Variants in CAST observed in about 807,000 individuals in gnomAD.
CAST encodes MIR583 host.
CAST carries 76 observed loss-of-function variants against 119.6 expected under a neutral mutation model. The ratio of observed to expected loss-of-function variants is 0.64; its 90% CI spans 0.53 to 0.77. The LOEUF (loss-of-function observed/expected upper bound fraction) is 0.77, where lower values mean the gene tolerates loss of function less well. Among genes scored for constraint, CAST ranks in the 30% least tolerant of loss-of-function variants. The pLI is 0.00. For missense variants in CAST, 953 were observed against 946.5 expected, an observed-to-expected ratio of 1.01 and a Z score of -0.09; for synonymous variants, 319 against 331.6, an observed-to-expected ratio of 0.96 and a Z score of 0.41.
At chr5:96,190,995 C>T in the CAST span, among the ~76,000 whole-genome samples, 1 of 152,272 alleles carries the variant, frequency 6.6e-6, no homozygotes, top group African/African-American at 2.4e-5. Context: ...GTTTTCTGTT[C>T]CTGTATTAAT....
At chr5:96,428,589 A>G in the CAST span, among the ~76,000 whole-genome samples, 1 of 152,216 alleles carries the variant, frequency 6.6e-6, no homozygotes, top group East Asian at 1.9e-4. Flanking sequence ...CATTGAACCA[A>G]GATACAAACT....
At chr5:96,517,645 G>A in the CAST span, among the ~76,000 whole-genome samples, 4 of 152,166 alleles carry the variant, frequency 2.6e-5, no homozygotes, top group Non-Finnish European at 4.4e-5. Flanking sequence ...TGTGAAATGT[G>A]TCTGTGCTCA....
At chr5:96,395,966 A>G in the CAST span, among the ~76,000 whole-genome samples, 1 of 152,240 alleles carries the variant, frequency 6.6e-6, no homozygotes, top group Non-Finnish European at 1.5e-5. Flanking sequence ...TTAGAAGTGT[A>G]AGGTCAGATT....
the CAST span, among the ~76,000 whole-genome samples, chr5:96,502,729 A>G: frequency 6.6e-6 from 1 of 151,454 alleles, no homozygotes; most frequent in Non-Finnish European, 1.5e-5. Flanking sequence ...TATGTTTTTT[A>G]CTAAATATTA....
chr5:96,234,304 G>A, the CAST span, among the ~76,000 whole-genome samples: 3 of 152,188 alleles, frequency 2.0e-5, no homozygotes, highest in African/African-American at 7.2e-5. Flanking sequence ...AGTGTTCATG[G>A]AAGGCCGTAG....
chr5:96,645,986 T>C (rs1748009595), intron 1 of CAST, among the ~76,000 whole-genome samples: 1 of 151,984 alleles, frequency 6.6e-6, no homozygotes, highest in South Asian at 2.1e-4. Flanking sequence ...AAATATAGAA[T>C]TCACAGAAAA....
chr5:96,354,565 G>T, the CAST span, among the ~76,000 whole-genome samples: 1 of 151,668 alleles, frequency 6.6e-6, no homozygotes, highest in African/African-American at 2.4e-5. Context: ...AAAAAAAAAT[G>T]TATGTCTCAG....
intron 2 of CAST, 34 bp from the exon 3 acceptor site, chr5:96,695,802 T>C (rs773359806): frequency 4.3e-5 from 62 of 1,446,792 alleles, no homozygotes; most frequent in Non-Finnish European, 5.7e-5. Context: ...TAAGGTGTTT[T>C]CCCCCATTGA....
At chr5:96,660,299 C>T (rs1439573906), upstream of CAST, among the ~76,000 whole-genome samples, 1 of 152,164 alleles carries the variant, frequency 6.6e-6, no homozygotes, top group Non-Finnish European at 1.5e-5. Context: ...ACCCCAAACT[C>T]CCAAAACACC....
chr5:96,512,996 C>T, the CAST span, among the ~76,000 whole-genome samples: 3 of 152,298 alleles, frequency 2.0e-5, no homozygotes, highest in South Asian at 6.2e-4. Context: ...ACTATGACTA[C>T]ATGAGCAGGG....
the CAST span, among the ~76,000 whole-genome samples, chr5:96,060,537 C>G: frequency 6.6e-6 from 1 of 152,056 alleles, no homozygotes; most frequent in African/African-American, 2.4e-5. Flanking sequence ...AACATCCACT[C>G]GGCCTCTTCG....
At chr5:96,019,462 G>A in the CAST span, among the ~76,000 whole-genome samples, 1 of 152,178 alleles carries the variant, frequency 6.6e-6, no homozygotes, top group Non-Finnish European at 1.5e-5. Context: ...CAAGGCAAAG[G>A]TGAGACTGTG....
the CAST span, among the ~76,000 whole-genome samples, chr5:96,163,363 T>C: frequency 1.3e-5 from 2 of 152,200 alleles, no homozygotes; most frequent in Non-Finnish European, 2.9e-5. Context: ...TTTGATTTTG[T>C]CGATCTTCTC....
chr5:96,447,908 AACAAGAAGTAAAAACCTGCCCTGCT>A, the CAST span, among the ~76,000 whole-genome samples: 11 of 152,236 alleles, frequency 7.2e-5, no homozygotes, highest in African/African-American at 2.2e-4. Context: ...GAAAACATAA[AACAAGAAGTAAAAACCTGCCCTGCT>A]AGAACAGCTC....
the CAST span, among the ~76,000 whole-genome samples, chr5:96,464,357 C>G: frequency 6.6e-6 from 1 of 151,970 alleles, no homozygotes; most frequent in Non-Finnish European, 1.5e-5. Flanking sequence ...CTGTCTGTGA[C>G]ATATTGAAAT....
the CAST span, among the ~76,000 whole-genome samples, chr5:96,026,377 T>C: frequency 6.6e-6 from 1 of 152,180 alleles, no homozygotes; most frequent in South Asian, 2.1e-4. Flanking sequence ...GATACTTGGA[T>C]CTGGAAAACA....
chr5:96,056,052 G>A, the CAST span, among the ~76,000 whole-genome samples: 1 of 151,886 alleles, frequency 6.6e-6, no homozygotes, highest in Non-Finnish European at 1.5e-5. Context: ...TGAAAACATC[G>A]TTTTAAAGGG....
intron 2 of CAST, among the ~76,000 whole-genome samples, chr5:96,689,506 G>A (rs1752476589): frequency 6.6e-6 from 1 of 152,210 alleles, no homozygotes; most frequent in Admixed American, 6.5e-5. Context: ...TGTAAAGGTA[G>A]TAGAGCACCA....
At chr5:96,613,002 A>G (rs923422511) in intron 1 of CAST, among the ~76,000 whole-genome samples, 2 of 152,156 alleles carry the variant, frequency 1.3e-5, no homozygotes, top group Non-Finnish European at 2.9e-5. Context: ...CATGTATCCA[A>G]TTTCCAAATA....
Sources: allele counts gnomAD v4.1 joint callset (sites outside exome capture counted in the v4.1 genomes callset), GRCh38; gene constraint gnomAD v4.1.1; transcripts MANE v1.5; gene names NCBI Gene and HGNC (gene_info 2026-07-23, HGNC 2026-07-21).